RPN1: variants seen among roughly 807,000 people sequenced by gnomAD.
RPN1 encodes dolichyl-diphosphooligosaccharide--protein glycosyltransferase subunit 1.
Under a neutral mutation model 55.5 loss-of-function variants are expected in RPN1, and 12 were observed. The observed-to-expected ratio is 0.22, with a 90% CI of 0.14 to 0.35. The LOEUF is 0.35. Ranked by LOEUF, RPN1 falls within the 10% of genes least tolerant of loss-of-function variation. The probability of loss-of-function intolerance (pLI) is 1.00; values close to 1 mark genes in which losing one functional copy is unlikely to be tolerated. For missense variants in RPN1, 679 were observed against 761.3 expected, an observed-to-expected ratio of 0.89 and a Z score of 1.27; for synonymous variants, 317 against 305.9, an observed-to-expected ratio of 1.04 and a Z score of -0.38.
chr3:128,631,487 A>C (rs927703025), intron 4 of RPN1, among the ~76,000 whole-genome samples: 22 of 151,936 alleles, frequency 1.4e-4, no homozygotes, highest in African/African-American at 5.1e-4. Flanking sequence ...TCAAGAAAAA[A>C]AAAAAAAAGA....
chr3:128,640,444 C>T (rs1245166183), intron 2 of RPN1, among the ~76,000 whole-genome samples: 1 of 152,184 alleles, frequency 6.6e-6, no homozygotes, highest in East Asian at 1.9e-4. Context: ...ACGTTCACTA[C>T]TCAAAATATA....
intron 2 of RPN1, among the ~76,000 whole-genome samples, chr3:128,642,997 C>A (rs962037614): frequency 3.5e-5 from 5 of 144,480 alleles, no homozygotes; most frequent in Admixed American, 7.1e-5. Context: ...TCAGCTTGGG[C>A]AACAAGAGGG....
At chr3:128,623,246 A>T (rs959282946) in intron 8 of RPN1, among the ~76,000 whole-genome samples, 1 of 152,158 alleles carries the variant, frequency 6.6e-6, no homozygotes, top group African/African-American at 2.4e-5. Flanking sequence ...CTCTACAAAA[A>T]AATATTTTGG....
chr3:128,622,452 G>A (rs970030668), intron 8 of RPN1, 43 bp from the exon 9 acceptor site: 17 of 1,610,942 alleles, frequency 1.1e-5, no homozygotes, highest in East Asian at 4.5e-5. Flanking sequence ...ATCCAGGCTT[G>A]GGTCCACTCT....
At chr3:128,625,216 TC>T (rs1250844614) in intron 8 of RPN1, among the ~76,000 whole-genome samples, 1 of 151,996 alleles carries the variant, frequency 6.6e-6, no homozygotes. Flanking sequence ...AGAGGGGACT[TC>T]CACCTCCAAG....
chr3:128,639,609 C>T (rs1369569919), intron 2 of RPN1, among the ~76,000 whole-genome samples: 2 of 151,756 alleles, frequency 1.3e-5, no homozygotes, highest in African/African-American at 4.8e-5. Flanking sequence ...TTTTTTGAGA[C>T]GGAGTCTTAC....
At chr3:128,647,672 C>T (rs1431948627) in intron 1 of RPN1, among the ~76,000 whole-genome samples, 3 of 136,258 alleles carry the variant, frequency 2.2e-5, no homozygotes, top group Non-Finnish European at 4.7e-5. Context: ...CCCTGGGGAA[C>T]AGATTGAGAA....
At chr3:128,627,910 C>T (rs2069611621) in intron 5 of RPN1, among the ~76,000 whole-genome samples, 1 of 152,264 alleles carries the variant, frequency 6.6e-6, no homozygotes, top group Admixed American at 6.5e-5. Flanking sequence ...CCAAAACAAG[C>T]TAAAGGTATT....
At chr3:128,626,691 C>T (rs1235103824) in intron 6 of RPN1, 42 bp downstream of exon 6, 1 of 1,566,136 alleles carries the variant, frequency 6.4e-7, no homozygotes. Flanking sequence ...AAGGGTACAA[C>T]CAGAGAAATC....
At chr3:128,646,221 TCAAAAAAAAAAAAAAAAAAAAA>T in intron 1 of RPN1, among the ~76,000 whole-genome samples, 1 of 53,416 alleles carries the variant, frequency 1.9e-5, no homozygotes, top group East Asian at 4.8e-4. Context: ...AGACTCCGTC[TCAAAAAAAAAAAAAAAAAAAAA>T]AGTCTCATGG....
intron 4 of RPN1, among the ~76,000 whole-genome samples, 173 bp from the exon 5 acceptor site, chr3:128,630,316 C>T (rs1288096602): frequency 1.3e-5 from 2 of 152,174 alleles, no homozygotes; most frequent in East Asian, 1.9e-4. Context: ...AGGTTTGCGT[C>T]GACTTCTCAA....
At chr3:128,635,624 T>G (rs190636864) in intron 3 of RPN1, among the ~76,000 whole-genome samples, 477 of 29,954 alleles carry the variant, frequency 0.016, 6 homozygotes, top group African/African-American at 0.063. Context: ...TATATATATA[T>G]ATATATATAT....
intron 2 of RPN1, among the ~76,000 whole-genome samples, chr3:128,642,142 G>A (rs1222040865): frequency 1.3e-5 from 2 of 152,174 alleles, no homozygotes; most frequent in Admixed American, 1.3e-4. Context: ...CAGAGAGGGA[G>A]AGGAGTCTCT....
At chr3:128,641,702 C>A (rs746431151) in intron 2 of RPN1, among the ~76,000 whole-genome samples, 21 of 151,146 alleles carry the variant, frequency 1.4e-4, no homozygotes, top group Non-Finnish European at 3.1e-4. Flanking sequence ...CTCTGCCTCC[C>A]GGTTCAAGTG....
intron 8 of RPN1, among the ~76,000 whole-genome samples, chr3:128,625,042 C>T (rs766049735): frequency 6.6e-6 from 1 of 152,114 alleles, no homozygotes; most frequent in East Asian, 1.9e-4. Context: ...AAGAGGATGA[C>T]CTGAGGATAA....
At chr3:128,620,694 G>GT (rs1340197974) in intron 9 of RPN1, 101 bp from the exon 10 acceptor site, 4 of 1,257,794 alleles carry the variant, frequency 3.2e-6, no homozygotes, top group Non-Finnish European at 4.4e-6. Context: ...AGCTCCACAG[G>GT]TATCAGCCAC....
chr3:128,630,336 C>T (rs1214895256), intron 4 of RPN1, among the ~76,000 whole-genome samples, 193 bp from the exon 5 acceptor site: 3 of 152,172 alleles, frequency 2.0e-5, no homozygotes, highest in Non-Finnish European at 4.4e-5. Flanking sequence ...ATCAAGGGTG[C>T]TAACTACCCA....
chr3:128,650,526 T>G lies in RPN1; in HGVS notation c.261+14A>C, dbSNP rs777014383. The G allele has an allele frequency of 1.3e-5, 20 of 1,506,358 alleles. No homozygotes were observed. Among genetic ancestry groups the G allele is most frequent in the South Asian group, 4.9e-5 (4 of 80,864 alleles). 93.3% of individuals were successfully genotyped at this position (1,506,358 alleles called of 1,614,324 possible). ...GGGTCCCGGGAGCGGCGGCGAGGGG[T>G]CGCCCACACTCACCTGCACGCCCAG... On this transcript the variant is annotated intron_variant, in intron 1 of 9. Transcript: ENST00000296255.
At chr3:128,641,410 T>G (rs1457096647) in intron 2 of RPN1, among the ~76,000 whole-genome samples, 1 of 151,998 alleles carries the variant, frequency 6.6e-6, no homozygotes, top group Non-Finnish European at 1.5e-5. Flanking sequence ...CTACACAGCT[T>G]CACCTTCCTC....
Sources: allele counts gnomAD v4.1 joint callset (sites outside exome capture counted in the v4.1 genomes callset), GRCh38; gene constraint gnomAD v4.1.1; transcripts MANE v1.5; gene names NCBI Gene and HGNC (gene_info 2026-07-23, HGNC 2026-07-21).